Variants in SLC24A2 observed in about 807,000 individuals in gnomAD.
The protein encoded by SLC24A2 is solute carrier family 24 member 2.
In SLC24A2, 36 loss-of-function variants were observed where a neutral mutation model predicts 62.0. The observed-to-expected ratio is 0.58, with a 90% CI of 0.44 to 0.77. SLC24A2 has a LOEUF of 0.77. SLC24A2 is among the 30% of genes least tolerant of loss of function. SLC24A2 has a pLI of 0.00. For synonymous variants in SLC24A2, 358 were observed against 294.0 expected, an observed-to-expected ratio of 1.22 and a Z score of -2.23; for missense variants, 846 against 817.9, an observed-to-expected ratio of 1.03 and a Z score of -0.42.
the SLC24A2 span, among the ~76,000 whole-genome samples, chr9:19,915,113 C>A: frequency 1.3e-5 from 2 of 152,086 alleles, no homozygotes; most frequent in Non-Finnish European, 2.9e-5. Context: ...CCTCTACCTG[C>A]CCTTGGCAAC....
the SLC24A2 span, among the ~76,000 whole-genome samples, chr9:20,217,650 T>C: frequency 6.6e-6 from 1 of 152,140 alleles, no homozygotes; most frequent in Admixed American, 6.6e-5. Flanking sequence ...AAGAGGTTGG[T>C]TAAAGCCTGA....
chr9:19,694,375 C>T (rs1312346826), intron 2 of SLC24A2, among the ~76,000 whole-genome samples: 1 of 132,082 alleles, frequency 7.6e-6, no homozygotes, highest in South Asian at 2.2e-4. Flanking sequence ...GGAAGATTTC[C>T]TCTCTAATAT....
chr9:19,954,670 AC>A, the SLC24A2 span, among the ~76,000 whole-genome samples: 1 of 151,870 alleles, frequency 6.6e-6, no homozygotes, highest in South Asian at 2.1e-4. Flanking sequence ...CAAGATTGCA[AC>A]CCCTTCTCTA....
the SLC24A2 span, among the ~76,000 whole-genome samples, chr9:20,264,434 C>T: frequency 2.6e-5 from 4 of 152,290 alleles, no homozygotes; most frequent in Admixed American, 2.0e-4. Flanking sequence ...CTGAATTTGC[C>T]CTTCTCCAAA....
chr9:19,659,135 A>C (rs768996916), intron 2 of SLC24A2, among the ~76,000 whole-genome samples: 2 of 152,156 alleles, frequency 1.3e-5, no homozygotes, highest in Non-Finnish European at 2.9e-5. Context: ...TCGAGTCCTT[A>C]GAAGAAGATG....
At chr9:20,170,960 G>T in the SLC24A2 span, among the ~76,000 whole-genome samples, 10 of 151,978 alleles carry the variant, frequency 6.6e-5, no homozygotes, top group Non-Finnish European at 7.4e-5. Context: ...CTTAAGAGCT[G>T]TGAGACAAAA....
intron 2 of SLC24A2, among the ~76,000 whole-genome samples, chr9:19,631,592 A>G (rs901648347): frequency 6.6e-6 from 1 of 152,038 alleles, no homozygotes; most frequent in African/African-American, 2.4e-5. Context: ...GTGTGCTGCC[A>G]CCCCACGGAT....
At chr9:20,000,866 A>G in the SLC24A2 span, among the ~76,000 whole-genome samples, 1 of 152,188 alleles carries the variant, frequency 6.6e-6, no homozygotes, top group Admixed American at 6.6e-5. Context: ...TTGAGACAGA[A>G]AAGTTATGTA....
In SLC24A2 at chr9:19,573,488, AC is replaced by A. The variant is rs1835905578; in HGVS notation, c.1229-20del. The A allele has an allele frequency of 1.4e-4, 2 of 14,452 alleles. No homozygotes were observed. The highest frequency in any genetic ancestry group is 3.2e-4 in the Non-Finnish European group (2 of 6,236). 0.9% of individuals were successfully genotyped at this position (14,452 alleles called of 1,614,324 possible). On this transcript the variant is annotated intron_variant, in intron 6 of 10. Coordinates refer to ENST00000341998, the MANE Select transcript of SLC24A2 (RefSeq NM_020344.4). ...ATTTTTTCTGTGATATAATTTAAAC[AC>A]ACACACACACACACACACACACACA...
chr9:19,704,647 C>T (rs1209540064), intron 2 of SLC24A2, among the ~76,000 whole-genome samples: 1 of 152,046 alleles, frequency 6.6e-6, no homozygotes, highest in Non-Finnish European at 1.5e-5. Context: ...TGGAAGAAAA[C>T]AACTCACAAC....
chr9:19,912,296 G>A, the SLC24A2 span, among the ~76,000 whole-genome samples: 1 of 152,106 alleles, frequency 6.6e-6, no homozygotes. Context: ...TTTTAAGTCA[G>A]TGCCTTCAGA....
At chr9:20,081,491 G>C in the SLC24A2 span, among the ~76,000 whole-genome samples, 1 of 112,500 alleles carries the variant, frequency 8.9e-6, no homozygotes, top group African/African-American at 3.8e-5. Flanking sequence ...GGTGGGGGGA[G>C]GGGGGGAGGG....
the SLC24A2 span, among the ~76,000 whole-genome samples, chr9:20,298,140 C>T: frequency 6.6e-6 from 1 of 152,252 alleles, no homozygotes; most frequent in African/African-American, 2.4e-5. Flanking sequence ...AGGCACAGTC[C>T]CAGAGACTTT....
the SLC24A2 span, among the ~76,000 whole-genome samples, chr9:19,863,121 CA>C: frequency 6.6e-6 from 1 of 151,920 alleles, no homozygotes; most frequent in East Asian, 1.9e-4. Context: ...AAATAGATTT[CA>C]AGACAAAAGC....
At chr9:19,893,776 G>A in the SLC24A2 span, among the ~76,000 whole-genome samples, 4 of 152,148 alleles carry the variant, frequency 2.6e-5, no homozygotes, top group South Asian at 2.1e-4. Flanking sequence ...AATGTGAGTT[G>A]TATTTTCCTC....
the SLC24A2 span, among the ~76,000 whole-genome samples, chr9:19,797,319 G>A: frequency 1.3e-5 from 2 of 152,094 alleles, no homozygotes; most frequent in Non-Finnish European, 2.9e-5. Flanking sequence ...GTAGCTTATT[G>A]TGTATTTTCT....
chr9:19,912,232 G>T, the SLC24A2 span, among the ~76,000 whole-genome samples: 1 of 151,978 alleles, frequency 6.6e-6, no homozygotes, highest in Non-Finnish European at 1.5e-5. Flanking sequence ...GAGACCTTAG[G>T]GATCATCCTG....
chr9:20,240,929 T>C, the SLC24A2 span, among the ~76,000 whole-genome samples: 10 of 152,322 alleles, frequency 6.6e-5, no homozygotes, highest in East Asian at 1.7e-3. Flanking sequence ...CAATAGATTC[T>C]CTACCACACG....
At chr9:19,671,485 T>G (rs1006662803) in intron 2 of SLC24A2, among the ~76,000 whole-genome samples, 5 of 152,094 alleles carry the variant, frequency 3.3e-5, no homozygotes, top group Non-Finnish European at 5.9e-5. Context: ...AGGTATATGA[T>G]CATATCATTG....
Sources: allele counts gnomAD v4.1 joint callset (sites outside exome capture counted in the v4.1 genomes callset), GRCh38; gene constraint gnomAD v4.1.1; transcripts MANE v1.5; gene names NCBI Gene and HGNC (gene_info 2026-07-23, HGNC 2026-07-21).